The following PAPPA2 variants were observed in gnomAD, a reference collection of about 807,000 sequenced individuals.
The protein encoded by PAPPA2 is pappalysin 2, also known as pappalysin-2.
Under a neutral mutation model 176.4 loss-of-function variants are expected in PAPPA2, and 86 were observed. The observed-to-expected ratio is 0.49, with a 90% CI of 0.41 to 0.58. The LOEUF is 0.58. PAPPA2 is among the 20% of genes least tolerant of loss of function. The pLI is 0.00. For missense variants in PAPPA2, 2,073 were observed against 2,256.9 expected, an observed-to-expected ratio of 0.92 and a Z score of 1.65; for synonymous variants, 809 against 852.2, an observed-to-expected ratio of 0.95 and a Z score of 0.88.
intron 3 of PAPPA2, among the ~76,000 whole-genome samples, chr1:176,659,268 A>G (rs553786681): frequency 2.0e-5 from 3 of 152,136 alleles, no homozygotes; most frequent in Non-Finnish European, 2.9e-5. Context: ...GAAGTCCAAG[A>G]TCAGCAGGGT....
rs1573128960 is a variant in PAPPA2, at chr1:176,614,608, A to G, written c.1991+19013A>G. ...TTTTAATGATTTAGTCCATTATTTC[A>G]TTTTATTTCAATAGCTTTTTGGGGA... On this transcript the variant is annotated intron_variant, in intron 3 of 22. Transcript: ENST00000367662. 3.3e-5 allele frequency among the ~76,000 whole-genome samples: 5 copies of G among 152,206 alleles called. No homozygotes were observed. The South Asian group carries it at 1.0e-3, about 32-fold the overall frequency.
At chr1:176,800,241 T>A in intron 21 of PAPPA2, 109 bp downstream of exon 21, 1 of 976,662 alleles carries the variant, frequency 1.0e-6, no homozygotes, top group Admixed American at 2.5e-5. Context: ...TATTCCTCTG[T>A]CCTTTGTTTA....
intron 3 of PAPPA2, among the ~76,000 whole-genome samples, chr1:176,610,404 A>G (rs985497563): frequency 4.6e-5 from 7 of 152,178 alleles, no homozygotes; most frequent in African/African-American, 1.7e-4. Context: ...AAAAATGTGT[A>G]AACCAAGCTG....
chr1:176,834,419 A>T (rs1029010645), intron 21 of PAPPA2, among the ~76,000 whole-genome samples: 1 of 152,234 alleles, frequency 6.6e-6, no homozygotes, highest in East Asian at 1.9e-4. Context: ...GAAGAGTGGA[A>T]GAGTTGAACA....
intron 2 of PAPPA2, among the ~76,000 whole-genome samples, chr1:176,586,178 T>C (rs1653293111): frequency 6.6e-6 from 1 of 152,206 alleles, no homozygotes; most frequent in Admixed American, 6.5e-5. Context: ...GGCTTATTTC[T>C]TTTTTGTGTG....
intron 2 of PAPPA2, among the ~76,000 whole-genome samples, chr1:176,580,929 G>T (rs1448836230): frequency 6.6e-6 from 1 of 152,080 alleles, no homozygotes; most frequent in Non-Finnish European, 1.5e-5. Context: ...TCTTTAGATT[G>T]TCTTTTCACT....
At position 176,769,622 on chromosome 1, in the gene PAPPA2, A is replaced by G. The variant is rs772912512; in HGVS notation, c.4339A>G (p.Thr1447Ala). 1.1e-5 allele frequency: 17 copies of G among 1,613,230 alleles called. No individual in the cohort carries two copies. The East Asian group carries it at 3.8e-4, about 36-fold the overall frequency. ...IRPMQKEILL[T>A]CSSGHWDQNV... ...CTGTTTCTAGAAGGAAATTCTGCTC[A>G]CATGTTCTTCTGGGCACTGGGACCA... Residue 1447 changes from threonine to alanine, a missense_variant, in exon 16 of 23, where the codon ACA (threonine) becomes GCA (alanine). This residue lies in a region of PAPPA2 where 846 missense variants were observed against 857.9 expected (regional missense o/e 0.99). Transcript: ENST00000367662.
At chr1:176,530,875 G>C (rs927548164) in intron 1 of PAPPA2, among the ~76,000 whole-genome samples, 1 of 152,196 alleles carries the variant, frequency 6.6e-6, no homozygotes, top group Non-Finnish European at 1.5e-5. Flanking sequence ...ACCCAAATTT[G>C]ATAAGACTAA....
At chr1:176,734,734 A>G (rs1427143747) in intron 12 of PAPPA2, among the ~76,000 whole-genome samples, 1 of 152,146 alleles carries the variant, frequency 6.6e-6, no homozygotes, top group East Asian at 1.9e-4. Context: ...ATTAGGTTGA[A>G]CCAGAAGAAA....
chr1:176,556,708 G>T lies in PAPPA2; in HGVS notation c.386G>T (p.Trp129Leu). Residue 129 changes from tryptophan to leucine, a missense_variant, in exon 2 of 23, where the codon TGG (tryptophan) becomes TTG (leucine). Around this residue, in one of 4 missense-constraint regions of PAPPA2, gnomAD observed 1,196 missense variants for 1,330.4 expected, o/e 0.90. Coordinates refer to ENST00000367662, the MANE Select transcript of PAPPA2 (RefSeq NM_020318.3). ...RGAVEEPAAP[W>L]VGDSPIGQSE... ...GCAGTTGAAGAGCCGGCTGCCCCAT[G>T]GGTAGGGGATAGTCCTATTGGGCAA... 6.2e-7 allele frequency: 1 copy of T among 1,614,106 alleles called. No homozygotes were observed. Among genetic ancestry groups the T allele is most frequent in the Non-Finnish European group, 8.5e-7 (1 of 1,179,960 alleles).
At chr1:176,739,924 T>C (rs962013174) in intron 13 of PAPPA2, 56 bp from the exon 14 acceptor site, 5 of 1,594,740 alleles carry the variant, frequency 3.1e-6, no homozygotes, top group South Asian at 1.1e-5. Flanking sequence ...ATACAAGATA[T>C]GGAAACATGG....
chr1:176,618,253 C>T (rs1296957913), intron 3 of PAPPA2, among the ~76,000 whole-genome samples: 1 of 152,108 alleles, frequency 6.6e-6, no homozygotes, highest in Non-Finnish European at 1.5e-5. Flanking sequence ...TTATGACCTC[C>T]ATGTGTAGTT....
At chr1:176,662,667 T>A (rs1471651264) in intron 3 of PAPPA2, among the ~76,000 whole-genome samples, 5 of 152,116 alleles carry the variant, frequency 3.3e-5, no homozygotes, top group Non-Finnish European at 7.4e-5. Context: ...AGTTCTCTTT[T>A]AATATCTGGT....
intron 1 of PAPPA2, among the ~76,000 whole-genome samples, chr1:176,547,928 C>T (rs1650729638): frequency 6.6e-6 from 1 of 152,194 alleles, no homozygotes; most frequent in Non-Finnish European, 1.5e-5. Flanking sequence ...CGACCCACAG[C>T]TACATGTAAC....
chr1:176,480,756 C>T (rs919145892), intron 1 of PAPPA2, among the ~76,000 whole-genome samples: 1 of 152,140 alleles, frequency 6.6e-6, no homozygotes, highest in African/African-American at 2.4e-5. Flanking sequence ...AGGACCACCC[C>T]TTCTCCCTCT....
intron 17 of PAPPA2, 84 bp from the exon 18 acceptor site, chr1:176,789,725 C>A: frequency 6.8e-7 from 1 of 1,467,586 alleles, no homozygotes; most frequent in Non-Finnish European, 9.3e-7. Context: ...TTTGCTAATT[C>A]TTATGCCATA....
intron 21 of PAPPA2, among the ~76,000 whole-genome samples, chr1:176,809,299 G>A (rs2102959994): frequency 6.6e-6 from 1 of 152,308 alleles, no homozygotes; most frequent in African/African-American, 2.4e-5. Context: ...GAAGGAGTTG[G>A]GAGTAGAAAG....
intron 1 of PAPPA2, among the ~76,000 whole-genome samples, chr1:176,544,581 C>T (rs905248291): frequency 6.6e-6 from 1 of 152,164 alleles, no homozygotes; most frequent in African/African-American, 2.4e-5. Context: ...TTTTCTTTCA[C>T]ACCAAGCAAT....
intron 14 of PAPPA2, among the ~76,000 whole-genome samples, chr1:176,753,916 C>T (rs1316959348): frequency 1.3e-5 from 2 of 151,966 alleles, no homozygotes; most frequent in Non-Finnish European, 2.9e-5. Context: ...GAAGGAAAAC[C>T]CACTAGAGAG....
Sources: gnomAD v4.1 joint callset for allele counts (sites outside exome capture counted in the v4.1 genomes callset) on GRCh38, gnomAD v4.1.1 for gene constraint, gnomAD v4.1.1 regional missense constraint, MANE v1.5 for transcripts, NCBI Gene and HGNC (gene_info 2026-07-23, HGNC 2026-07-21) for gene names.